EPHA4: variants seen among roughly 807,000 people sequenced by gnomAD.
EPHA4 encodes EPH receptor A4, also known as ephrin type-A receptor 4.
In EPHA4, 19 loss-of-function variants were observed where a neutral mutation model predicts 108.3. The observed-to-expected ratio is 0.18, with a 90% CI of 0.12 to 0.26. The LOEUF (loss-of-function observed/expected upper bound fraction) is 0.26. EPHA4 is among the 10% of genes least tolerant of loss of function. The pLI is 1.00. For synonymous variants in EPHA4, 449 were observed against 455.5 expected, an observed-to-expected ratio of 0.99 and a Z score of 0.18; for missense variants, 917 against 1,254.0, an observed-to-expected ratio of 0.73 and a Z score of 4.06.
chr2:221,474,193 G>C (rs943889350), intron 5 of EPHA4, among the ~76,000 whole-genome samples: 5 of 152,014 alleles, frequency 3.3e-5, no homozygotes, highest in African/African-American at 9.7e-5. Context: ...CTTTTGGCAG[G>C]CTTTTATTTT....
intron 5 of EPHA4, among the ~76,000 whole-genome samples, 174 bp downstream of exon 5, chr2:221,482,178 T>C (rs1404675618): frequency 6.6e-6 from 1 of 152,206 alleles, no homozygotes; most frequent in Admixed American, 6.5e-5. Context: ...CCCAAAGTGC[T>C]GGGATTACAC....
chr2:221,465,807 C>A, intron 5 of EPHA4, among the ~76,000 whole-genome samples: 1 of 152,326 alleles, frequency 6.6e-6, no homozygotes, highest in African/African-American at 2.4e-5. Flanking sequence ...AAATAAATTT[C>A]TATTGCAATA....
At position 221,526,844 on chromosome 2, in the gene EPHA4, C is replaced by T. The variant is rs577889133; in HGVS notation, c.824-25672G>A. Among the ~76,000 whole-genome samples, 18 of 96,940 alleles carry T rather than the reference C, an allele frequency of 1.9e-4. 1 individual carries two copies. The South Asian group carries it at 6.2e-3, about 34-fold the overall frequency. The allele number at this position is 96,940 out of a possible 152,430, so 63.6% of individuals were successfully genotyped here. ...TTCCAGCCTGGGCAATATAGCCAGA[C>T]TCGGCCTCAAAAAAAAAAAAAAAAA... On this transcript the variant is annotated intron_variant, in intron 3 of 17. Transcript: ENST00000281821.
chr2:221,483,753 G>C (rs13029945), intron 4 of EPHA4, among the ~76,000 whole-genome samples: 12,897 of 152,076 alleles, frequency 0.085, 1,420 homozygotes, highest in African/African-American at 0.26. Flanking sequence ...GCCTACCTTG[G>C]CCTCCCAAAG....
intron 5 of EPHA4, among the ~76,000 whole-genome samples, chr2:221,468,149 G>A (rs962290288): frequency 2.6e-5 from 4 of 151,846 alleles, no homozygotes; most frequent in Middle Eastern, 3.4e-3. Flanking sequence ...GTGTAACTTG[G>A]TTAGACAGGA....
At chr2:221,502,460 T>C in intron 3 of EPHA4, 2 of 468,078 alleles carry the variant, frequency 4.3e-6, no homozygotes, top group Admixed American at 4.7e-5. Context: ...GAGAAGGACC[T>C]ATCAGCCATT....
chr2:221,478,394 T>G (rs1201403032), intron 5 of EPHA4, among the ~76,000 whole-genome samples: 1 of 152,154 alleles, frequency 6.6e-6, no homozygotes, highest in Non-Finnish European at 1.5e-5. Flanking sequence ...AGTTTGCTTA[T>G]CCATTTTTCA....
intron 3 of EPHA4, among the ~76,000 whole-genome samples, chr2:221,547,254 C>G (rs1220851953): frequency 6.6e-6 from 1 of 152,114 alleles, no homozygotes; most frequent in Non-Finnish European, 1.5e-5. Flanking sequence ...AATCACATAC[C>G]CAACATTTAG....
intron 4 of EPHA4, among the ~76,000 whole-genome samples, chr2:221,494,556 G>A (rs1029481803): frequency 2.2e-4 from 34 of 152,132 alleles, no homozygotes; most frequent in Admixed American, 2.0e-3. Context: ...ACAGTGAGCT[G>A]AGATAGCGCC....
chr2:221,493,546 T>C (rs1692213431), intron 4 of EPHA4, among the ~76,000 whole-genome samples: 1 of 152,232 alleles, frequency 6.6e-6, no homozygotes, highest in South Asian at 2.1e-4. Context: ...ATTCAAATTT[T>C]CACAACACAG....
In EPHA4 at chr2:221,419,621, A is replaced by G. The variant is rs1689690009; in HGVS notation, c.*1751T>C. On this transcript the variant is annotated 3_prime_UTR_variant, in exon 18 of 18. Coordinates refer to ENST00000281821, the MANE Select transcript of EPHA4 (RefSeq NM_004438.5). ...GATGAGTTCAATCAGAAAATTTGTA[A>G]TTTTGATGATGGGTTGTCACCTGAA... 6.6e-6 allele frequency: 1 copy of G among 152,618 alleles called. No individual in the cohort carries two copies. The highest frequency in any genetic ancestry group is 1.5e-5 in the Non-Finnish European group (1 of 68,036). The allele number at this position is 152,618 out of a possible 1,614,324, so 9.5% of individuals were successfully genotyped here.
At chr2:221,455,735 C>G in intron 7 of EPHA4, 77 bp from the exon 8 acceptor site, 1 of 1,087,152 alleles carries the variant, frequency 9.2e-7, no homozygotes, top group Non-Finnish European at 1.4e-6. Flanking sequence ...TCACAGTTTT[C>G]AGTGTTCTGA....
At chr2:221,558,321 T>G (rs958006626) in intron 3 of EPHA4, among the ~76,000 whole-genome samples, 5 of 152,134 alleles carry the variant, frequency 3.3e-5, no homozygotes, top group Non-Finnish European at 7.4e-5. Context: ...TGTGTGTGTG[T>G]GGGCAGGGAA....
At chr2:221,562,207 CT>C (rs35999917) in intron 3 of EPHA4, among the ~76,000 whole-genome samples, 9,213 of 144,098 alleles carry the variant, frequency 0.064, 274 homozygotes, top group Non-Finnish European at 0.076. Context: ...TACACATTTC[CT>C]TTTTTTTTTT....
rs16862671 is a variant in EPHA4 at position 221,446,069 on chromosome 2, A to G, written c.1774+54T>C. 6,698 of 1,188,990 alleles carry G rather than the reference A, an allele frequency of 5.6e-3. 281 individuals carry two copies. The African/African-American group carries it at 0.095, about 17-fold the overall frequency. 73.7% of individuals were successfully genotyped at this position (1,188,990 alleles called of 1,614,324 possible). A position where few individuals can be genotyped will look rare whatever the true frequency, so the allele number is the denominator to read the frequency against. On this transcript the variant is annotated intron_variant, in intron 9 of 17. Coordinates refer to ENST00000281821, the MANE Select transcript of EPHA4 (RefSeq NM_004438.5). ...AATATTATTTGAACATGTTTAAACT[A>G]GAAAACGTGTGACATGCTCTAAAAA...
At chr2:221,563,121 A>G (rs560533011) in intron 3 of EPHA4, among the ~76,000 whole-genome samples, 1 of 152,296 alleles carries the variant, frequency 6.6e-6, no homozygotes, top group South Asian at 2.1e-4. Flanking sequence ...CATCAAGATT[A>G]ATTTCATTTA....
At chr2:221,533,637 A>G (rs1267609025) in intron 3 of EPHA4, among the ~76,000 whole-genome samples, 1 of 151,386 alleles carries the variant, frequency 6.6e-6, no homozygotes, top group East Asian at 1.9e-4. Context: ...AAACATATAT[A>G]ATAATGATGG....
chr2:221,455,322 T>G (rs1358118308), intron 8 of EPHA4, among the ~76,000 whole-genome samples: 2 of 152,170 alleles, frequency 1.3e-5, no homozygotes, highest in Admixed American at 6.5e-5. Context: ...CAGCTTTGTT[T>G]CCTACAATTA....
intron 5 of EPHA4, among the ~76,000 whole-genome samples, chr2:221,460,534 T>G (rs961320313): frequency 6.6e-6 from 1 of 152,150 alleles, no homozygotes; most frequent in African/African-American, 2.4e-5. Context: ...GGTTGGGAAA[T>G]GTACCTAAAA....
Sources: allele counts gnomAD v4.1 joint callset (sites outside exome capture counted in the v4.1 genomes callset), GRCh38; gene constraint gnomAD v4.1.1; transcripts MANE v1.5; gene names NCBI Gene and HGNC (gene_info 2026-07-23, HGNC 2026-07-21).